The following WDR89 variants were observed in gnomAD, a reference collection of about 807,000 sequenced individuals.
WDR89 encodes the protein WD repeat-containing protein 89.
WDR89 carries 17 observed loss-of-function variants against 29.1 expected under a neutral mutation model. The observed-to-expected ratio is 0.58, with a 90% CI of 0.40 to 0.88. WDR89 has a LOEUF of 0.88. WDR89 is among the 40% of genes least tolerant of loss of function. The pLI is 0.00. For missense variants in WDR89, 396 were observed against 456.3 expected (o/e 0.87, Z 1.20); for synonymous variants, 138 against 157.8 (o/e 0.87, Z 0.94).
At chr14:63,639,554 T>C (rs1321098887) in intron 1 of WDR89, among the ~76,000 whole-genome samples, 1 of 152,176 alleles carries the variant, frequency 6.6e-6, no homozygotes, top group Non-Finnish European at 1.5e-5. Context: ...TACACCCTTT[T>C]GACAGTTTGG....
In WDR89 at chr14:63,598,925, C is replaced by T. The variant is rs1345421570; in HGVS notation, c.1018G>A (p.Gly340Arg). The T allele has an allele frequency of 1.9e-6, 3 of 1,614,068 alleles. No individual in the cohort carries two copies. The highest frequency in any genetic ancestry group is 1.1e-5 in the South Asian group (1 of 91,086). The change falls in exon 3 of 3, where the codon GGA becomes AGA. Residue 340 changes from glycine (G) to arginine (R), a missense_variant. Coordinates refer to ENST00000620954, the MANE Select transcript of WDR89 (RefSeq NM_080666.4). ...CAAAGTAACAACTGTGCATCTTCTC[C>T]TCCAGTCAACAAAGAATCATCTTGC... ...NVQDDSLLTG[G>R]EDAQLLLWKP...
chr14:63,606,946 G>A (rs905226149), intron 2 of WDR89, among the ~76,000 whole-genome samples: 1 of 152,120 alleles, frequency 6.6e-6, no homozygotes, highest in African/African-American at 2.4e-5. Flanking sequence ...TCATTCCAAT[G>A]TTAAGCTATT....
intron 2 of WDR89, among the ~76,000 whole-genome samples, chr14:63,616,305 TTA>T (rs754462682): frequency 1.3e-5 from 2 of 151,860 alleles, no homozygotes; most frequent in Non-Finnish European, 2.9e-5. Context: ...TCTGGAAAGG[TTA>T]TGACATGACA....
At chr14:63,627,575 T>C (rs1883152510) in intron 1 of WDR89, among the ~76,000 whole-genome samples, 1 of 152,196 alleles carries the variant, frequency 6.6e-6, no homozygotes, top group Non-Finnish European at 1.5e-5. Context: ...TTCATCCCTC[T>C]GCTCATCCTG....
At chr14:63,631,224 A>G (rs1883380113) in intron 1 of WDR89, among the ~76,000 whole-genome samples, 1 of 152,222 alleles carries the variant, frequency 6.6e-6, no homozygotes, top group African/African-American at 2.4e-5. Context: ...AAATATGTAC[A>G]TTATGTGTCA....
At chr14:63,639,348 C>T (rs1022165900) in intron 1 of WDR89, among the ~76,000 whole-genome samples, 2 of 120,128 alleles carry the variant, frequency 1.7e-5, no homozygotes, top group Non-Finnish European at 3.2e-5. Flanking sequence ...AGCGAGACCT[C>T]ATCTCTACCA....
intron 1 of WDR89, among the ~76,000 whole-genome samples, chr14:63,634,857 C>T (rs951910300): frequency 8.4e-5 from 11 of 130,436 alleles, no homozygotes; most frequent in African/African-American, 1.2e-4. Context: ...GCAACAAAAG[C>T]GAAACTACAT....
At chr14:63,632,560 G>C (rs1883478432) in intron 1 of WDR89, among the ~76,000 whole-genome samples, 1 of 152,172 alleles carries the variant, frequency 6.6e-6, no homozygotes. Context: ...TTGAACCCGG[G>C]AGGTGGAGGT....
chr14:63,631,366 C>G (rs956046692), intron 1 of WDR89, among the ~76,000 whole-genome samples: 1 of 151,682 alleles, frequency 6.6e-6, no homozygotes, highest in African/African-American at 2.4e-5. Flanking sequence ...TATAGTTTGA[C>G]TATTTATTTA....
chr14:63,617,156 C>T (rs71416305), intron 2 of WDR89, among the ~76,000 whole-genome samples: 1 of 146,172 alleles, frequency 6.8e-6, no homozygotes, highest in African/African-American at 2.6e-5. Flanking sequence ...TCTCGGCTCA[C>T]TACAACCTCC....
chr14:63,610,907 G>A (rs890739498), intron 2 of WDR89, among the ~76,000 whole-genome samples: 1 of 151,716 alleles, frequency 6.6e-6, no homozygotes, highest in Admixed American at 6.6e-5. Flanking sequence ...TCACCATGTT[G>A]GCCAGGCTGG....
intron 1 of WDR89, among the ~76,000 whole-genome samples, chr14:63,632,530 G>A (rs1424893426): frequency 6.6e-6 from 1 of 152,120 alleles, no homozygotes; most frequent in African/African-American, 2.4e-5. Context: ...CTACTAGGGA[G>A]GCTAAGGCAC....
At chr14:63,602,941 G>A (rs963855397) in intron 2 of WDR89, among the ~76,000 whole-genome samples, 28 of 151,844 alleles carry the variant, frequency 1.8e-4, no homozygotes, top group Non-Finnish European at 4.4e-5. Context: ...TATTTTTAGT[G>A]GAGATGGGGT....
intron 1 of WDR89, among the ~76,000 whole-genome samples, chr14:63,629,694 G>A (rs1029295674): frequency 5.9e-5 from 9 of 152,192 alleles, no homozygotes; most frequent in African/African-American, 1.4e-4. Flanking sequence ...GAAAGGAGAC[G>A]ACATTGAAGC....
intron 1 of WDR89, among the ~76,000 whole-genome samples, chr14:63,625,742 T>C (rs550041850): frequency 1.3e-5 from 2 of 152,282 alleles, no homozygotes; most frequent in East Asian, 3.9e-4. Context: ...AGTTATATTT[T>C]AATAAATAAG....
At chr14:63,601,917 A>C (rs1464926650) in intron 2 of WDR89, 4 of 488,690 alleles carry the variant, frequency 8.2e-6, no homozygotes, top group Non-Finnish European at 3.6e-6. Context: ...CTTTTATAAT[A>C]AACTAAATAA....
chr14:63,634,629 G>A (rs10137933), intron 1 of WDR89, among the ~76,000 whole-genome samples: 11,702 of 152,128 alleles, frequency 0.077, 814 homozygotes, highest in African/African-American at 0.19. Context: ...CAACACTTTC[G>A]GAGGCTGAGG....
chr14:63,625,010 A>G lies in WDR89; in HGVS notation c.-114T>C, dbSNP rs116624492. 1.9e-3 allele frequency: 290 copies of G among 152,322 alleles called. 1 individual carries two copies. The highest frequency in any genetic ancestry group is 6.3e-3 in the African/African-American group (263 of 41,580). The allele number at this position is 152,322 out of a possible 1,614,324, so 9.4% of individuals were successfully genotyped here. On this transcript the variant is annotated 5_prime_UTR_variant, in exon 2 of 3. Coordinates refer to ENST00000620954, the MANE Select transcript of WDR89 (RefSeq NM_080666.4). ...AACACCTGTACACGTGTTCATCACTATTTTATTTATAATAGCCAAATACCT... is the reference window on the plus strand; with the variant it reads ...AACACCTGTACACGTGTTCATCACTGTTTTATTTATAATAGCCAAATACCT...
intron 1 of WDR89, among the ~76,000 whole-genome samples, chr14:63,633,648 A>C (rs1883544897): frequency 6.6e-6 from 1 of 152,230 alleles, no homozygotes; most frequent in African/African-American, 2.4e-5. Flanking sequence ...TATTCATGTA[A>C]AGATATAGCA....
Sources: gnomAD v4.1 joint callset for allele counts (sites outside exome capture counted in the v4.1 genomes callset) on GRCh38, gnomAD v4.1.1 for gene constraint, MANE v1.5 for transcripts, NCBI Gene and HGNC (gene_info 2026-07-23, HGNC 2026-07-21) for gene names.